ZMYM2: variants seen among roughly 807,000 people sequenced by gnomAD.
ZMYM2 encodes zinc finger MYM-type protein 2.
A neutral mutation model predicts 162.8 loss-of-function variants in ZMYM2; 56 were observed. The observed-to-expected ratio is 0.34, with a 90% CI of 0.28 to 0.43. ZMYM2 has a LOEUF of 0.43. Ranked by LOEUF, ZMYM2 falls within the 20% of genes least tolerant of loss-of-function variation. ZMYM2 has a pLI of 1.00. For synonymous variants in ZMYM2, 510 were observed against 541.6 expected, an observed-to-expected ratio of 0.94 and a Z score of 0.81; for missense variants, 1,275 against 1,621.8, an observed-to-expected ratio of 0.79 and a Z score of 3.67.
At chr13:19,925,322 T>A in the ZMYM2 span, among the ~76,000 whole-genome samples, 1 of 152,216 alleles carries the variant, frequency 6.6e-6, no homozygotes, top group African/African-American at 2.4e-5. Flanking sequence ...GCTGCTAATC[T>A]TTTCTTTATC....
intron 14 of ZMYM2, among the ~76,000 whole-genome samples, chr13:20,054,114 C>G (rs1001668259): frequency 6.6e-6 from 1 of 152,218 alleles, no homozygotes; most frequent in Non-Finnish European, 1.5e-5. Flanking sequence ...AAAGTCCTCT[C>G]CCATCTTTTC....
chr13:19,977,594 G>A (rs1270212385), intron 2 of ZMYM2, among the ~76,000 whole-genome samples: 2 of 147,786 alleles, frequency 1.4e-5, no homozygotes, highest in African/African-American at 5.0e-5. Flanking sequence ...CCGGGTTCAC[G>A]CCATTCTCCT....
chr13:19,926,157 C>T, the ZMYM2 span, among the ~76,000 whole-genome samples: 1 of 151,426 alleles, frequency 6.6e-6, no homozygotes, highest in Admixed American at 6.6e-5. Flanking sequence ...GATGGGGTTT[C>T]ACCATGTTGG....
the ZMYM2 span, among the ~76,000 whole-genome samples, chr13:19,884,359 A>C: frequency 6.6e-6 from 1 of 152,132 alleles, no homozygotes; most frequent in Non-Finnish European, 1.5e-5. Context: ...AAAAAGCACG[A>C]CGTCAGTAGA....
chr13:19,917,450 T>G, the ZMYM2 span, among the ~76,000 whole-genome samples: 14 of 151,162 alleles, frequency 9.3e-5, no homozygotes, highest in Non-Finnish European at 1.8e-4. Flanking sequence ...ATTAGCTGGG[T>G]GTGGTGGTGC....
intron 14 of ZMYM2, among the ~76,000 whole-genome samples, chr13:20,055,658 A>G (rs1289965291): frequency 1.3e-5 from 2 of 152,190 alleles, no homozygotes; most frequent in African/African-American, 4.8e-5. Flanking sequence ...TTAATGAATC[A>G]ACATTATCGT....
intron 21 of ZMYM2, among the ~76,000 whole-genome samples, chr13:20,073,206 C>A (rs1389017961): frequency 6.6e-6 from 1 of 152,178 alleles, no homozygotes; most frequent in Non-Finnish European, 1.5e-5. Flanking sequence ...CCATGCCCAG[C>A]CTCTTTTTGT....
At chr13:20,048,296 TA>T (rs1298083796) in intron 12 of ZMYM2, among the ~76,000 whole-genome samples, 5 of 151,380 alleles carry the variant, frequency 3.3e-5, no homozygotes, top group East Asian at 3.9e-4. Context: ...CCATTTTTTT[TA>T]AAATTTTTTT....
chr13:19,955,375 AATT>A (rs1330306688), upstream of ZMYM2, among the ~76,000 whole-genome samples: 2 of 152,084 alleles, frequency 1.3e-5, no homozygotes, highest in African/African-American at 4.8e-5. Flanking sequence ...ATGAAAGAGG[AATT>A]ATTATCTACA....
chr13:20,003,442 G>T (rs1175959006), intron 4 of ZMYM2, among the ~76,000 whole-genome samples: 3 of 152,120 alleles, frequency 2.0e-5, no homozygotes, highest in Non-Finnish European at 2.9e-5. Flanking sequence ...GCGTGATTCT[G>T]TGTTAAAATT....
At chr13:20,043,367 C>T (rs1324473668) in intron 12 of ZMYM2, among the ~76,000 whole-genome samples, 1 of 152,126 alleles carries the variant, frequency 6.6e-6, no homozygotes, top group Non-Finnish European at 1.5e-5. Context: ...GGGGTGCACA[C>T]TTGTTGGCTG....
At chr13:19,934,924 G>A in the ZMYM2 span, among the ~76,000 whole-genome samples, 3 of 151,800 alleles carry the variant, frequency 2.0e-5, no homozygotes, top group South Asian at 2.1e-4. Context: ...TTAACACCAC[G>A]CCTGGCTAAT....
chr13:20,059,611 G>A (rs1186010840), intron 16 of ZMYM2, 49 bp downstream of exon 16: 2 of 876,534 alleles, frequency 2.3e-6, no homozygotes, highest in Non-Finnish European at 3.9e-6. Flanking sequence ...AGCAGACACA[G>A]TTGGGAAAAC....
the ZMYM2 span, among the ~76,000 whole-genome samples, chr13:19,925,315 G>A: frequency 6.6e-6 from 1 of 152,138 alleles, no homozygotes. Flanking sequence ...TAGCTTAGCT[G>A]CTAATCTTTT....
At chr13:19,864,491 T>G in the ZMYM2 span, 1 of 154,840 alleles carries the variant, frequency 6.5e-6, no homozygotes, top group African/African-American at 2.4e-5. Context: ...GGCGCGACGG[T>G]GGAGACACCC....
intron 6 of ZMYM2, among the ~76,000 whole-genome samples, chr13:20,015,174 ATC>A (rs1951521994): frequency 6.6e-6 from 1 of 152,106 alleles, no homozygotes; most frequent in African/African-American, 2.4e-5. Context: ...GTTTTCACTC[ATC>A]TCTAAGTATT....
At chr13:20,013,833 CT>C (rs1024325112) in intron 6 of ZMYM2, among the ~76,000 whole-genome samples, 1 of 151,912 alleles carries the variant, frequency 6.6e-6, no homozygotes, top group Non-Finnish European at 1.5e-5. Context: ...TTTAGTAGTA[CT>C]TTGTTGAGGA....
At chr13:20,007,196 C>T (rs1180837698) in intron 6 of ZMYM2, among the ~76,000 whole-genome samples, 5 of 151,982 alleles carry the variant, frequency 3.3e-5, no homozygotes, top group African/African-American at 9.7e-5. Flanking sequence ...AGTGCGTTGG[C>T]GTGATCTCAG....
chr13:19,881,048 C>A, the ZMYM2 span, among the ~76,000 whole-genome samples: 184 of 151,862 alleles, frequency 1.2e-3, 5 homozygotes, highest in South Asian at 0.032. Context: ...GCCACCACGC[C>A]CAGCTAATTT....
Sources: gnomAD v4.1 joint callset for allele counts (sites outside exome capture counted in the v4.1 genomes callset) on GRCh38, gnomAD v4.1.1 for gene constraint, MANE v1.5 for transcripts, NCBI Gene and HGNC (gene_info 2026-07-23, HGNC 2026-07-21) for gene names.